The following SOS2 variants were observed in gnomAD, a reference collection of about 807,000 sequenced individuals.
SOS2 encodes son of sevenless homolog 2.
Under a neutral mutation model 148.2 loss-of-function variants are expected in SOS2, and 65 were observed. That is an observed-to-expected ratio of 0.44 (90% CI 0.36 to 0.54). SOS2 has a LOEUF of 0.54. Among genes scored for constraint, SOS2 ranks in the 20% least tolerant of loss-of-function variants. The pLI, the probability that SOS2 is intolerant of heterozygous loss-of-function variation, is 0.00. For synonymous variants in SOS2, 539 were observed against 537.1 expected, an observed-to-expected ratio of 1.00 and a Z score of -0.05; for missense variants, 1,341 against 1,590.2, an observed-to-expected ratio of 0.84 and a Z score of 2.67.
At chr14:50,155,384 C>G (rs999444110) in intron 12 of SOS2, among the ~76,000 whole-genome samples, 17 of 152,100 alleles carry the variant, frequency 1.1e-4, no homozygotes, top group African/African-American at 3.9e-4. Context: ...TTATCTGTGT[C>G]CTCAGCACAC....
chr14:50,117,860 T>G lies in SOS2; in HGVS notation c.*484A>C, dbSNP rs575215510. 1 of 153,104 alleles carries G rather than the reference T, an allele frequency of 6.5e-6. No homozygotes were observed. The highest frequency in any genetic ancestry group is 1.5e-5 in the Non-Finnish European group (1 of 68,724). The allele number at this position is 153,104 out of a possible 1,614,324, so 9.5% of individuals were successfully genotyped here. ...ATGGCATTAAAGAGTTTAAGAACAG[T>G]TGGTGTTATTCACAATTCTCCTAGA... On this transcript the variant is annotated 3_prime_UTR_variant, in exon 23 of 23. Coordinates refer to ENST00000216373, the MANE Select transcript of SOS2 (RefSeq NM_006939.4).
chr14:50,174,482 TG>T lies in SOS2; in HGVS notation c.1039del (p.His347ThrfsTer9). On this transcript the variant is annotated frameshift_variant, in exon 8 of 23. Coordinates refer to ENST00000216373, the MANE Select transcript of SOS2 (RefSeq NM_006939.4). LOFTEE classifies it high-confidence loss of function. ...LPRLMLVPVYHCWHYFELLKQ... is the reference protein window; with the variant it reads ...LPRLMLVPVYXCWHYFELLKQ... ...TAGTAACTCAAAGTAGTGCCAACAG[TG>T]ATACACTGGCACCAGCATAAGACGT... is the stretch of plus-strand genomic sequence containing the variant. 6.2e-7 allele frequency: 1 copy of T among 1,608,246 alleles called. No homozygotes were observed. Among genetic ancestry groups the T allele is most frequent in the Non-Finnish European group, 8.5e-7 (1 of 1,175,684 alleles).
chr14:50,214,960 C>T (rs143064595), intron 1 of SOS2, among the ~76,000 whole-genome samples: 3,131 of 151,642 alleles, frequency 0.021, 70 homozygotes, highest in Non-Finnish European at 0.026. Flanking sequence ...CTCGGCCTCC[C>T]GAGTAGCTGG....
chr14:50,216,507 C>G lies in SOS2; in HGVS notation c.88-12098G>C, dbSNP rs146034055. 6.3e-3 allele frequency among the ~76,000 whole-genome samples: 951 copies of G among 152,022 alleles called. 12 individuals are homozygous for G. The highest frequency in any genetic ancestry group is 0.022 in the African/African-American group (892 of 41,468). On this transcript the variant is annotated intron_variant, in intron 1 of 22. Coordinates refer to ENST00000216373, the MANE Select transcript of SOS2 (RefSeq NM_006939.4). ...AGCAAGGTTGCTCACACCTGTAATC[C>G]CAGCACTTTGGGAGGCCAAGGCAGG...
chr14:50,207,677 GGGTGGATCATCT>G (rs1348076268), intron 1 of SOS2, among the ~76,000 whole-genome samples: 13 of 151,978 alleles, frequency 8.6e-5, no homozygotes, highest in African/African-American at 2.4e-4. Flanking sequence ...GGCTGGAAGT[GGGTGGATCATCT>G]GAGGTCGGGA....
intron 4 of SOS2, among the ~76,000 whole-genome samples, chr14:50,192,305 C>A (rs1011411675): frequency 6.6e-6 from 1 of 152,086 alleles, no homozygotes; most frequent in African/African-American, 2.4e-5. Flanking sequence ...CCTATAATCC[C>A]AGAACTTTAG....
In SOS2 at chr14:50,206,025, G is replaced by A. The variant is rs557184888; in HGVS notation, c.88-1616C>T. ...TCTAATATTAGTTATTTGTGTATTC[G>A]TTCTTTTCTTGATCAGCATCTCAGA... On this transcript the variant is annotated intron_variant, in intron 1 of 22. Coordinates refer to ENST00000216373, the MANE Select transcript of SOS2 (RefSeq NM_006939.4). Among the ~76,000 whole-genome samples the A allele has an allele frequency of 7.9e-4, 119 of 150,746 alleles. 1 individual carries two copies. The highest frequency in any genetic ancestry group is 2.7e-3 in the African/African-American group (111 of 41,106).
rs778661549 is a variant in SOS2 at position 50,156,979 on chromosome 14, A to C, written c.2057+20T>G. ...TATATATGTGTATATATATATATAT[A>C]AAAAATATTCAAGCCAAACCTAAGT... On this transcript the variant is annotated intron_variant, in intron 12 of 22. Coordinates refer to ENST00000216373, the MANE Select transcript of SOS2 (RefSeq NM_006939.4). 7 of 1,346,854 alleles carry C rather than the reference A, an allele frequency of 5.2e-6. No homozygotes were observed. Among genetic ancestry groups the C allele is most frequent in the African/African-American group, 1.5e-5 (1 of 65,902 alleles). 83.4% of individuals were successfully genotyped at this position (1,346,854 alleles called of 1,614,324 possible).
chr14:50,204,507 ACTC>A, intron 1 of SOS2, 98 bp from the exon 2 acceptor site: 1 of 714,816 alleles, frequency 1.4e-6, no homozygotes, highest in Non-Finnish European at 2.3e-6. Flanking sequence ...TATAATGGTT[ACTC>A]AAAACAGACA....
intron 7 of SOS2, 76 bp from the exon 8 acceptor site, chr14:50,174,628 G>T (rs549398513): frequency 1.3e-6 from 1 of 770,046 alleles, no homozygotes; most frequent in Non-Finnish European, 2.1e-6. Flanking sequence ...TAACAGAAAC[G>T]TCTACTAAAA....
At chr14:50,191,228 GC>G (rs1282336552) in intron 4 of SOS2, among the ~76,000 whole-genome samples, 1 of 152,216 alleles carries the variant, frequency 6.6e-6, no homozygotes, top group East Asian at 1.9e-4. Flanking sequence ...ACTTTGGGAG[GC>G]CGAGGCAGGA....
chr14:50,147,196 A>C (rs192197329), intron 14 of SOS2, among the ~76,000 whole-genome samples: 1 of 148,362 alleles, frequency 6.7e-6, no homozygotes, highest in Non-Finnish European at 1.5e-5. Context: ...ACCCCATCTT[A>C]AACAAACAAA....
rs1883993022 is a variant in SOS2 at position 50,134,006 on chromosome 14, A to C, written c.3075+117T>G. 4.3e-6 allele frequency: 3 copies of C among 705,562 alleles called. No homozygotes were observed. In the South Asian group the frequency reaches 4.7e-5, roughly 11 times the overall value. The allele number at this position is 705,562 out of a possible 1,614,324, so 43.7% of individuals were successfully genotyped here. On this transcript the variant is annotated intron_variant, in intron 19 of 22. Coordinates refer to ENST00000216373, the MANE Select transcript of SOS2 (RefSeq NM_006939.4). ...AGTTTTAGAAATAGTATATTACTGCAAACAAAACACCTAGGAACAGCCATT... is the reference window on the plus strand; with the variant it reads ...AGTTTTAGAAATAGTATATTACTGCCAACAAAACACCTAGGAACAGCCATT...
chr14:50,118,537 C>T lies in SOS2; in HGVS notation c.3806G>A (p.Arg1269Lys), dbSNP rs778824765. ...PSTPPSTPSP[R>K]VPRRCYVLSS... ...GAGCACATAGCATCGACGCGGTACC[C>T]TTGGAGAGGGTGTGCTAGGAGGAGT... is the stretch of plus-strand genomic sequence containing the variant. Residue 1269 changes from arginine (R) to lysine (K), a missense_variant, in exon 23 of 23, where the codon AGG becomes AAG. Transcript: ENST00000216373. 6.2e-7 allele frequency: 1 copy of T among 1,614,066 alleles called. No individual in the cohort carries two copies. The highest frequency in any genetic ancestry group is 8.5e-7 in the Non-Finnish European group (1 of 1,179,982).
chr14:50,135,071 CAAAAAA>C (rs746540364), intron 18 of SOS2, among the ~76,000 whole-genome samples: 1 of 57,516 alleles, frequency 1.7e-5, no homozygotes, highest in Non-Finnish European at 3.4e-5. Flanking sequence ...GAGACTGTCT[CAAAAAA>C]AAAAAAAAAA....
intron 20 of SOS2, 82 bp from the exon 21 acceptor site, chr14:50,130,084 A>G: frequency 1.2e-6 from 1 of 837,048 alleles, no homozygotes; most frequent in Non-Finnish European, 2.0e-6. Flanking sequence ...AATAATACGT[A>G]ATACACAGTG....
chr14:50,188,030 T>C (rs1488303843), intron 5 of SOS2, among the ~76,000 whole-genome samples: 8 of 152,214 alleles, frequency 5.3e-5, no homozygotes, highest in African/African-American at 1.7e-4. Flanking sequence ...TCACTGTACC[T>C]ATTATATAAC....
chr14:50,132,374 A>G (rs1222556467), intron 19 of SOS2, among the ~76,000 whole-genome samples: 2 of 150,710 alleles, frequency 1.3e-5, no homozygotes, highest in South Asian at 2.1e-4. Context: ...AAAAAAAAAA[A>G]AAAAGGCTGG....
At position 50,159,411 on chromosome 14, in the gene SOS2, T is replaced by C. The variant is rs1300794432; in HGVS notation, c.1852+20A>G. The C allele has an allele frequency of 1.3e-6, 2 of 1,536,104 alleles. No individual in the cohort carries two copies. Among genetic ancestry groups the C allele is most frequent in the African/African-American group, 1.4e-5 (1 of 72,598 alleles). Reference sequence around the variant, plus strand: ...TGGGTCCCAGGCCCTAGGTCAGCAGTTGTAATGAGTTTCACATACCTGCAT... The same window carrying C: ...TGGGTCCCAGGCCCTAGGTCAGCAGCTGTAATGAGTTTCACATACCTGCAT... On this transcript the variant is annotated intron_variant, in intron 10 of 22. Coordinates refer to ENST00000216373, the MANE Select transcript of SOS2 (RefSeq NM_006939.4).
Sources: gnomAD v4.1 joint callset for allele counts (sites outside exome capture counted in the v4.1 genomes callset) on GRCh38, gnomAD v4.1.1 for gene constraint, MANE v1.5 for transcripts, NCBI Gene and HGNC (gene_info 2026-07-23, HGNC 2026-07-21) for gene names.